The following RNF150 variants were observed in gnomAD, a reference collection of about 807,000 sequenced individuals.
RNF150 encodes the protein ring finger protein 150.
In RNF150, 24 loss-of-function variants were observed where a neutral mutation model predicts 39.3. The observed-to-expected ratio is 0.61, with a 90% confidence interval of 0.44 to 0.86. The LOEUF (loss-of-function observed/expected upper bound fraction) is 0.86. Among genes scored for constraint, RNF150 ranks in the 40% least tolerant of loss-of-function variants. The probability of loss-of-function intolerance (pLI) is 0.00; values close to 1 mark genes in which losing one functional copy is unlikely to be tolerated. For synonymous variants in RNF150, 255 were observed against 227.3 expected (o/e 1.12, Z -1.10); for missense variants, 502 against 587.8 (o/e 0.85, Z 1.51).
intron 1 of RNF150, among the ~76,000 whole-genome samples, chr4:141,022,683 A>G (rs1254120226): frequency 6.6e-6 from 1 of 152,214 alleles, no homozygotes; most frequent in Non-Finnish European, 1.5e-5. Flanking sequence ...TCATTTAGGA[A>G]AGTAGCTTGG....
intron 1 of RNF150, among the ~76,000 whole-genome samples, chr4:141,063,550 A>C (rs1270873943): frequency 9.9e-5 from 15 of 152,218 alleles, no homozygotes; most frequent in Admixed American, 9.8e-4. Context: ...ATTCTTGATA[A>C]AAATAAGCAA....
At chr4:141,062,259 CTT>C (rs1027125313) in intron 1 of RNF150, among the ~76,000 whole-genome samples, 9 of 151,956 alleles carry the variant, frequency 5.9e-5, no homozygotes, top group African/African-American at 1.7e-4. Flanking sequence ...GTAAAATTCT[CTT>C]TGTTTTATGT....
chr4:141,018,147 C>T (rs927767647), intron 1 of RNF150, among the ~76,000 whole-genome samples: 3 of 152,160 alleles, frequency 2.0e-5, no homozygotes, highest in African/African-American at 7.2e-5. Context: ...GGCCACATAG[C>T]GTGGAGGTGG....
chr4:140,988,756 A>G (rs1428287339), intron 1 of RNF150, among the ~76,000 whole-genome samples: 1 of 152,032 alleles, frequency 6.6e-6, no homozygotes, highest in Non-Finnish European at 1.5e-5. Flanking sequence ...ACCAACCCAA[A>G]TGTCCAACAA....
At chr4:141,126,536 G>C (rs975264376) in intron 1 of RNF150, among the ~76,000 whole-genome samples, 2 of 152,310 alleles carry the variant, frequency 1.3e-5, no homozygotes, top group Middle Eastern at 3.4e-3. Context: ...CATGCACTGT[G>C]ACCTTGGGGT....
chr4:140,911,968 G>A (rs1224927785), intron 5 of RNF150, among the ~76,000 whole-genome samples: 1 of 152,170 alleles, frequency 6.6e-6, no homozygotes, highest in African/African-American at 2.4e-5. Flanking sequence ...TCATACATTA[G>A]TCAAATCCTC....
At chr4:140,929,982 G>A (rs1008801140) in intron 4 of RNF150, among the ~76,000 whole-genome samples, 38 of 152,234 alleles carry the variant, frequency 2.5e-4, no homozygotes, top group African/African-American at 8.4e-4. Context: ...CCACCGTGGC[G>A]AAACCCTGTC....
At chr4:141,137,030 G>A (rs963740725), upstream of RNF150, among the ~76,000 whole-genome samples, 5 of 152,270 alleles carry the variant, frequency 3.3e-5, no homozygotes, top group African/African-American at 9.6e-5. Flanking sequence ...GAGTACAAGT[G>A]TATGAGTACA....
chr4:141,026,896 T>G (rs67198149), intron 1 of RNF150, among the ~76,000 whole-genome samples: 1 of 151,934 alleles, frequency 6.6e-6, no homozygotes, highest in Non-Finnish European at 1.5e-5. Context: ...GTAAGCAACA[T>G]AGTAAGTAAG....
chr4:140,933,716 A>G (rs757396510), intron 4 of RNF150, among the ~76,000 whole-genome samples: 1 of 152,248 alleles, frequency 6.6e-6, no homozygotes, highest in Admixed American at 6.5e-5. Context: ...GACGGGAGCC[A>G]TGCTTTTCCC....
At chr4:141,043,857 T>C (rs1239822142) in intron 1 of RNF150, among the ~76,000 whole-genome samples, 1 of 152,126 alleles carries the variant, frequency 6.6e-6, no homozygotes, top group Non-Finnish European at 1.5e-5. Context: ...ACAACCTTGA[T>C]TTCAGACTCT....
intron 3 of RNF150, among the ~76,000 whole-genome samples, chr4:140,948,951 T>C (rs1374493100): frequency 6.6e-6 from 1 of 152,228 alleles, no homozygotes; most frequent in East Asian, 1.9e-4. Flanking sequence ...TACCTGAATA[T>C]TGTTTCCTTT....
chr4:140,935,253 A>G (rs955681935), intron 4 of RNF150, among the ~76,000 whole-genome samples: 3 of 151,570 alleles, frequency 2.0e-5, no homozygotes, highest in African/African-American at 7.3e-5. Context: ...TTAAACTACA[A>G]TGGAAGAAAT....
chr4:141,185,292 T>C (rs1727984186), intron 1 of RNF150, among the ~76,000 whole-genome samples: 1 of 152,152 alleles, frequency 6.6e-6, no homozygotes, highest in African/African-American at 2.4e-5. Flanking sequence ...TTTGTAGCAA[T>C]TGTGAATGGA....
chr4:141,114,079 C>T (rs6826231), intron 1 of RNF150, among the ~76,000 whole-genome samples: 116,960 of 151,996 alleles, frequency 0.77, 46,018 homozygotes, highest in East Asian at 0.88. Flanking sequence ...ATTGACACCC[C>T]AAAATCACAA....
intron 6 of RNF150, among the ~76,000 whole-genome samples, chr4:140,876,182 C>A (rs746526775): frequency 8.5e-5 from 13 of 152,178 alleles, no homozygotes; most frequent in Admixed American, 4.6e-4. Context: ...TGATGCTTAT[C>A]TTCTTGAAAA....
At chr4:140,872,855 G>GA (rs1729002044) in intron 6 of RNF150, among the ~76,000 whole-genome samples, 1 of 152,238 alleles carries the variant, frequency 6.6e-6, no homozygotes, top group Non-Finnish European at 1.5e-5. Flanking sequence ...TTGGCAGCTA[G>GA]ATACTTGAGT....
At chr4:141,000,017 G>GAAAAGAAGAAAAGAAGAAAAGAAGAA (rs1560679011) in intron 1 of RNF150, among the ~76,000 whole-genome samples, 3 of 33,552 alleles carry the variant, frequency 8.9e-5, no homozygotes, top group Non-Finnish European at 1.4e-4. Context: ...AGAAGAAGAA[G>GAAAAGAAGAAAAGAAGAAAAGAAGAA]AAGAAGAAGA....
rs562049498 is a variant in RNF150, at chr4:141,193,348, C to T, written c.-6+19446G>A. On this transcript the variant is annotated intron_variant, in intron 1 of 7. Transcript: ENST00000420921. The stretch of plus-strand genomic sequence containing the variant: ...CTGTGGAGTTTCTTCTCCCTCAGTC[C>T]TTTTGTGCCCAATCTTGGGCTTAAC... Among the ~76,000 whole-genome samples the T allele has an allele frequency of 5.1e-4, 78 of 152,210 alleles. 1 individual carries two copies. Among genetic ancestry groups the T allele is most frequent in the Non-Finnish European group, 6.6e-4 (45 of 68,046 alleles).
Sources: gnomAD v4.1 joint callset for allele counts (sites outside exome capture counted in the v4.1 genomes callset) on GRCh38, gnomAD v4.1.1 for gene constraint, MANE v1.5 for transcripts, NCBI Gene and HGNC (gene_info 2026-07-23, HGNC 2026-07-21) for gene names.